The following SGCZ variants were observed in gnomAD, a reference collection of about 807,000 sequenced individuals.
The protein encoded by SGCZ is sarcoglycan zeta, also known as zeta-sarcoglycan.
Under a neutral mutation model 41.3 loss-of-function variants are expected in SGCZ, and 40 were observed. That is an observed-to-expected ratio of 0.97 (90% CI 0.75 to 1.26). The LOEUF (loss-of-function observed/expected upper bound fraction) is 1.26, where lower values mean the gene tolerates loss of function less well. Among genes scored for constraint, SGCZ ranks in the 50% most tolerant of loss-of-function variants. The pLI, the probability that SGCZ is intolerant of heterozygous loss-of-function variation, is 0.00. For synonymous variants in SGCZ, 206 were observed against 137.5 expected (o/e 1.50, Z -3.49); for missense variants, 552 against 369.8 (o/e 1.49, Z -4.04).
intron 2 of SGCZ, among the ~76,000 whole-genome samples, chr8:14,536,000 T>C (rs2117137682): frequency 6.6e-6 from 1 of 151,930 alleles, no homozygotes; most frequent in East Asian, 1.9e-4. Context: ...TCAATAAGCT[T>C]AGGTGGTAAA....
chr8:15,119,447 T>C (rs547501846), intron 1 of SGCZ, among the ~76,000 whole-genome samples: 29 of 151,940 alleles, frequency 1.9e-4, no homozygotes, highest in South Asian at 1.5e-3. Flanking sequence ...GGAGGATCAC[T>C]TGAGACCCGG....
intron 1 of SGCZ, among the ~76,000 whole-genome samples, chr8:14,710,609 T>A (rs1012907216): frequency 3.3e-5 from 5 of 152,092 alleles, no homozygotes; most frequent in African/African-American, 1.2e-4. Context: ...GCCTTATTTG[T>A]GTATTTATTG....
rs554996260 is a variant in SGCZ, at chr8:15,079,397, A to T, written c.39+158188T>A. ...CTATATTTTTTTCTTTGAGGACTTC[A>T]TAGACATTGTTCCATTTTCTTTTGG... On this transcript the variant is annotated intron_variant, in intron 1 of 7. Coordinates refer to ENST00000382080, the MANE Select transcript of SGCZ (RefSeq NM_139167.4). Among the ~76,000 whole-genome samples, 8 of 152,262 alleles carry T rather than the reference A, an allele frequency of 5.3e-5. No homozygotes were observed. In the South Asian group the frequency reaches 1.7e-3, roughly 32 times the overall value.
intron 1 of SGCZ, among the ~76,000 whole-genome samples, chr8:15,055,840 T>G (rs75311469): frequency 2.0e-5 from 3 of 152,206 alleles, no homozygotes; most frequent in Admixed American, 6.5e-5. Flanking sequence ...ATAACTTGGA[T>G]GTGCCTCCCC....
chr8:14,276,590 G>C (rs1048666120), intron 3 of SGCZ, among the ~76,000 whole-genome samples: 11 of 152,166 alleles, frequency 7.2e-5, no homozygotes, highest in African/African-American at 2.4e-4. Context: ...CCACTGGCTT[G>C]TTTCAGGTGC....
At chr8:14,471,954 A>G (rs998140953) in intron 2 of SGCZ, among the ~76,000 whole-genome samples, 1 of 152,092 alleles carries the variant, frequency 6.6e-6, no homozygotes, top group East Asian at 1.9e-4. Flanking sequence ...CCACAGTTAT[A>G]TAAGCTGAAT....
intron 1 of SGCZ, among the ~76,000 whole-genome samples, chr8:15,196,972 A>T (rs1800752249): frequency 6.6e-6 from 1 of 152,202 alleles, no homozygotes; most frequent in South Asian, 2.1e-4. Flanking sequence ...TATTATTTAC[A>T]TGGTGGTCTC....
chr8:14,573,236 C>T (rs924029477), intron 1 of SGCZ, among the ~76,000 whole-genome samples: 11 of 131,248 alleles, frequency 8.4e-5, no homozygotes, highest in African/African-American at 3.3e-4. Flanking sequence ...CTCGCTCTGT[C>T]GCCCAGGCTG....
intron 5 of SGCZ, among the ~76,000 whole-genome samples, chr8:14,122,874 G>C (rs1190356265): frequency 6.6e-6 from 1 of 152,096 alleles, no homozygotes; most frequent in Non-Finnish European, 1.5e-5. Context: ...TCTTTAAAAA[G>C]TGAGCCAGCT....
chr8:14,143,236 G>A lies in SGCZ; in HGVS notation c.547+21344C>T, dbSNP rs187436602. Among the ~76,000 whole-genome samples, 398 of 152,228 alleles carry A rather than the reference G, an allele frequency of 2.6e-3. 3 individuals carry two copies. The highest frequency in any genetic ancestry group is 9.4e-3 in the African/African-American group (390 of 41,534). On this transcript the variant is annotated intron_variant, in intron 5 of 7. Transcript: ENST00000382080. The stretch of plus-strand genomic sequence containing the variant: ...TACGTAATGATGAAAGACTGGATGA[G>A]TTCTCTCTAAGATTGCAGACAGGGC...
rs1034975122 is a variant in SGCZ, at chr8:14,088,067, T to C, written c.*2376A>G. Among the ~76,000 whole-genome samples, 7 of 151,818 alleles carry C rather than the reference T, an allele frequency of 4.6e-5. No homozygotes were observed. Among genetic ancestry groups the C allele is most frequent in the Non-Finnish European group, 7.4e-5 (5 of 67,824 alleles). ...TGGAATCGGTTTTTACATCTTTTTT[T>C]CTCACTTTTTTTTTCATCTTTTCTC... On this transcript the variant is annotated 3_prime_UTR_variant, in exon 8 of 8. Transcript: ENST00000382080.
rs1403560251 is a variant in SGCZ at position 14,458,701 on chromosome 8, A to C, written c.234+96031T>G. 4.6e-5 allele frequency among the ~76,000 whole-genome samples: 7 copies of C among 152,232 alleles called. No individual in the cohort carries two copies. The East Asian group carries it at 1.4e-3, about 29-fold the overall frequency. On this transcript the variant is annotated intron_variant, in intron 2 of 7. Transcript: ENST00000382080. ...GTAGTATCTCTATCTATCTATCTAT[A>C]TATCTACCTACCTACCTACCTATAA...
chr8:15,236,039 T>C (rs142004580), intron 1 of SGCZ, among the ~76,000 whole-genome samples: 38 of 152,330 alleles, frequency 2.5e-4, no homozygotes, highest in African/African-American at 8.2e-4. Flanking sequence ...CTACTGACTA[T>C]GATCTTGGCA....
At chr8:14,436,361 T>C (rs142270370) in intron 2 of SGCZ, among the ~76,000 whole-genome samples, 65 of 152,338 alleles carry the variant, frequency 4.3e-4, no homozygotes, top group African/African-American at 1.4e-3. Flanking sequence ...TTCTTTGTTC[T>C]TCGCATGAAC....
chr8:14,548,180 A>C (rs1268685108), intron 2 of SGCZ, among the ~76,000 whole-genome samples: 1 of 152,178 alleles, frequency 6.6e-6, no homozygotes, highest in African/African-American at 2.4e-5. Flanking sequence ...CAGTTTAAAT[A>C]ACTTGCACGA....
intron 1 of SGCZ, among the ~76,000 whole-genome samples, chr8:14,779,037 T>C (rs1182232219): frequency 6.6e-6 from 1 of 152,208 alleles, no homozygotes; most frequent in Non-Finnish European, 1.5e-5. Flanking sequence ...ACACCAGTAC[T>C]GTTAACAACA....
intron 3 of SGCZ, among the ~76,000 whole-genome samples, chr8:14,292,398 C>A (rs1455706374): frequency 6.6e-6 from 1 of 151,882 alleles, no homozygotes; most frequent in African/African-American, 2.4e-5. Context: ...AATGATGCCT[C>A]AGGTAAAATT....
intron 1 of SGCZ, among the ~76,000 whole-genome samples, chr8:14,790,897 G>T (rs571259593): frequency 6.6e-6 from 1 of 151,888 alleles, no homozygotes; most frequent in African/African-American, 2.4e-5. Flanking sequence ...GCAGGGTGGT[G>T]GTGCGCATCT....
chr8:14,759,054 T>C (rs560252356), intron 1 of SGCZ, among the ~76,000 whole-genome samples: 202 of 152,154 alleles, frequency 1.3e-3, no homozygotes, highest in African/African-American at 4.7e-3. Flanking sequence ...CAAGTAATAT[T>C]TCAGTAACTT....
Sources: gnomAD v4.1 joint callset for allele counts (sites outside exome capture counted in the v4.1 genomes callset) on GRCh38, gnomAD v4.1.1 for gene constraint, MANE v1.5 for transcripts, NCBI Gene and HGNC (gene_info 2026-07-23, HGNC 2026-07-21) for gene names.